The following MYH11 variants were observed in gnomAD, a reference collection of about 807,000 sequenced individuals.
MYH11 encodes the protein myosin heavy chain 11.
MYH11 carries 80 observed loss-of-function variants against 246.6 expected under a neutral mutation model. That is an observed-to-expected ratio of 0.32 (90% CI 0.27 to 0.39). The LOEUF is 0.39. MYH11 is among the 10% of genes least tolerant of loss of function. The pLI is 1.00. For missense variants in MYH11, 2,158 were observed against 2,546.8 expected (o/e 0.85, Z 3.29); for synonymous variants, 1,071 against 1,015.5 (o/e 1.05, Z -1.04).
At chr16:15,763,759 C>CCCCCA in intron 10 of MYH11, 37 bp downstream of exon 10, 4 of 1,151,242 alleles carry the variant, frequency 3.5e-6, no homozygotes, top group Non-Finnish European at 5.3e-6. Flanking sequence ...CCCCCCAACC[C>CCCCCA]CAAAGTCATT....
chr16:15,848,504 GATTA>G (rs2044255308), intron 1 of MYH11, among the ~76,000 whole-genome samples: 1 of 152,120 alleles, frequency 6.6e-6, no homozygotes, highest in African/African-American at 2.4e-5. Flanking sequence ...AAAGTGCTGG[GATTA>G]CAGGCGTGAG....
rs1428672061 is a variant in MYH11 at position 15,778,780 on chromosome 16, A to G, written c.790T>C (p.Tyr264His). The change falls in exon 7 of 41, where the codon TAT becomes CAT. Residue 264 changes from tyrosine (Y) to histidine (H), a missense_variant and splice_region_variant. Around this residue, in one of 11 missense-constraint regions of MYH11, gnomAD observed 123 missense variants for 207.1 expected, o/e 0.59. Coordinates refer to ENST00000300036, the MANE Select transcript of MYH11 (RefSeq NM_002474.3). ...TGGCCCAGGCTCAGGGAAAGGATAC[A>G]GGTCTCAATGTTGGCTCCCACGATG... ...GYIVGANIETYLLEKSRAIRQ... is the reference protein window; with the variant it reads ...GYIVGANIETHLLEKSRAIRQ... The G allele has an allele frequency of 6.2e-7, 1 of 1,613,960 alleles. No homozygotes were observed. The highest frequency in any genetic ancestry group is 8.5e-7 in the Non-Finnish European group (1 of 1,179,984).
chr16:15,743,283 C>G (rs1307008344), intron 20 of MYH11, among the ~76,000 whole-genome samples: 1 of 152,198 alleles, frequency 6.6e-6, no homozygotes, highest in African/African-American at 2.4e-5. Context: ...ATTCTCCTGC[C>G]TCAATCTCCT....
intron 2 of MYH11, among the ~76,000 whole-genome samples, chr16:15,830,681 C>T (rs922496135): frequency 3.3e-5 from 5 of 152,048 alleles, no homozygotes; most frequent in African/African-American, 1.2e-4. Flanking sequence ...AGTTCAAGAC[C>T]AGCCTGGCTA....
At chr16:15,766,683 T>C (rs958485810) in intron 9 of MYH11, among the ~76,000 whole-genome samples, 1 of 152,148 alleles carries the variant, frequency 6.6e-6, no homozygotes, top group African/African-American at 2.4e-5. Flanking sequence ...ATTTAAACTT[T>C]AGGAACCAAT....
intron 3 of MYH11, among the ~76,000 whole-genome samples, chr16:15,805,083 C>A (rs988840240): frequency 2.0e-5 from 3 of 152,186 alleles, no homozygotes; most frequent in Non-Finnish European, 4.4e-5. Context: ...TCTAACTCTG[C>A]ACTTTTCTAG....
intron 1 of MYH11, among the ~76,000 whole-genome samples, chr16:15,845,141 G>A (rs995663252): frequency 4.6e-5 from 7 of 152,188 alleles, no homozygotes; most frequent in Admixed American, 2.0e-4. Flanking sequence ...GGGACCTAAC[G>A]GGTGCCCTGC....
At chr16:15,848,353 C>T (rs1313926438) in intron 1 of MYH11, among the ~76,000 whole-genome samples, 1 of 151,652 alleles carries the variant, frequency 6.6e-6, no homozygotes, top group Non-Finnish European at 1.5e-5. Context: ...CGTGCCTCAG[C>T]CTCCCAAGTA....
At chr16:15,776,761 G>A (rs367769807) in intron 7 of MYH11, among the ~76,000 whole-genome samples, 2 of 152,202 alleles carry the variant, frequency 1.3e-5, no homozygotes, top group African/African-American at 4.8e-5. Context: ...ATGGAGGCGA[G>A]AGAGACCGTA....
chr16:15,725,675 A>G, intron 28 of MYH11: 2 of 399,010 alleles, frequency 5.0e-6, no homozygotes, highest in Non-Finnish European at 8.8e-6. Flanking sequence ...TGTGAGAAAA[A>G]AACATCTCAC....
chr16:15,833,347 G>A (rs2043796500), intron 2 of MYH11, among the ~76,000 whole-genome samples: 1 of 142,940 alleles, frequency 7.0e-6, no homozygotes, highest in South Asian at 2.4e-4. Context: ...CAGAAAGACA[G>A]AGAAAGAAAG....
chr16:15,849,284 G>T (rs2044273014), intron 1 of MYH11, among the ~76,000 whole-genome samples: 1 of 151,932 alleles, frequency 6.6e-6, no homozygotes, highest in Admixed American at 6.6e-5. Flanking sequence ...CTCCTGCCTT[G>T]GCTTCCCAAA....
Position 15,724,697 on chromosome 16 carries a change from TCTC to T in MYH11, c.4063_4065del (p.Glu1355del). The T allele has an allele frequency of 1.2e-6, 2 of 1,614,164 alleles. No individual in the cohort carries two copies. Among genetic ancestry groups the T allele is most frequent in the Non-Finnish European group, 1.7e-6 (2 of 1,180,010 alleles). On this transcript the variant is annotated inframe_deletion, in exon 30 of 41. Transcript: ENST00000300036. ...CGCTCCAGGTTCTGCTTGGCCTCCA[TCTC>T]CTCGTCCAGCTGGTCTTGCAGGCTG... is the stretch of plus-strand genomic sequence containing the variant.
chr16:15,813,465 A>G (rs974545746), intron 3 of MYH11, among the ~76,000 whole-genome samples: 3 of 152,092 alleles, frequency 2.0e-5, no homozygotes, highest in Non-Finnish European at 1.5e-5. Flanking sequence ...AAAATTCCTA[A>G]TCTGGTCCTG....
rs765885909 is a variant in MYH11 at position 15,750,326 on chromosome 16, G to A, written c.1870C>T (p.Arg624Cys). Reference protein sequence around the residue: ...FVADLWKDVDRIVGLDQMAKM... With the variant: ...FVADLWKDVDCIVGLDQMAKM... ...GCCATCTGGTCCAGGCCCACGATGC[G>A]GTCCACTATGGGGCACAGCCAGGGT... is the stretch of plus-strand genomic sequence containing the variant. Residue 624 changes from arginine to cysteine, a missense_variant, in exon 16 of 41, where the codon CGC becomes TGC. This residue lies in a region of MYH11 where 317 missense variants were observed against 507.7 expected (regional missense o/e 0.62). Coordinates refer to ENST00000300036, the MANE Select transcript of MYH11 (RefSeq NM_002474.3). This position sits in a 1 kb window ranked among gnomAD's most constrained non-coding sequence, Gnocchi z 4.3. The A allele has an allele frequency of 1.8e-5, 29 of 1,599,078 alleles. No homozygotes were observed. In the South Asian group the frequency reaches 2.0e-4, roughly 11 times the overall value.
At chr16:15,768,666 A>G (rs1377879745) in intron 9 of MYH11, among the ~76,000 whole-genome samples, 2 of 152,188 alleles carry the variant, frequency 1.3e-5, no homozygotes, top group East Asian at 3.8e-4. Flanking sequence ...ATTTGTTTTA[A>G]TAGAAAACTT....
chr16:15,811,794 A>G (rs1023914223), intron 3 of MYH11, among the ~76,000 whole-genome samples: 1 of 152,182 alleles, frequency 6.6e-6, no homozygotes, highest in South Asian at 2.1e-4. Flanking sequence ...AAGAGCCCCA[A>G]GCTGATAAAG....
intron 3 of MYH11, among the ~76,000 whole-genome samples, chr16:15,808,286 C>T (rs1421178405): frequency 1.3e-5 from 2 of 152,212 alleles, no homozygotes; most frequent in Admixed American, 6.5e-5. Flanking sequence ...GTCCATGCAC[C>T]GTGTCCCTAC....
chr16:15,712,009 G>A (rs1192720776), intron 40 of MYH11, among the ~76,000 whole-genome samples: 9 of 151,790 alleles, frequency 5.9e-5, no homozygotes. Context: ...GATTCTTTAG[G>A]GAAAGTTGAC....
Sources: allele counts gnomAD v4.1 joint callset (sites outside exome capture counted in the v4.1 genomes callset), GRCh38; gene constraint gnomAD v4.1.1; regional missense constraint gnomAD v4.1.1; non-coding constraint Gnocchi (gnomAD v3.1); transcripts MANE v1.5; gene names NCBI Gene and HGNC (gene_info 2026-07-23, HGNC 2026-07-21).